DDX24: variants seen among roughly 807,000 people sequenced by gnomAD.
The protein encoded by DDX24 is DEAD-box helicase 24.
Under a neutral mutation model 68.9 loss-of-function variants are expected in DDX24, and 24 were observed. That is an observed-to-expected ratio of 0.35 (90% confidence interval 0.25 to 0.49). The LOEUF is 0.49. Among genes scored for constraint, DDX24 ranks in the 20% least tolerant of loss-of-function variants. DDX24 has a pLI of 0.99. For synonymous variants in DDX24, 395 were observed against 385.2 expected, an observed-to-expected ratio of 1.03 and a Z score of -0.30; for missense variants, 989 against 1,039.0, an observed-to-expected ratio of 0.95 and a Z score of 0.66.
chr14:94,055,293 T>G, intron 6 of DDX24, 109 bp from the exon 7 acceptor site: 3 of 1,123,750 alleles, frequency 2.7e-6, no homozygotes, highest in African/African-American at 3.1e-5. Context: ...GCCAGGCAGG[T>G]AGAAACTTCT....
At chr14:94,051,876 A>C in intron 8 of DDX24, 1 of 165,704 alleles carries the variant, frequency 6.0e-6, no homozygotes. Context: ...CACAATTACA[A>C]CCCCCACCTC....
intron 3 of DDX24, among the ~76,000 whole-genome samples, chr14:94,061,562 T>C (rs1885597895): frequency 6.6e-6 from 1 of 152,226 alleles, no homozygotes; most frequent in Middle Eastern, 3.2e-3. Context: ...AACTTGGTAA[T>C]TAATTGCTGC....
chr14:94,078,300 A>G (rs961574040), intron 2 of DDX24, among the ~76,000 whole-genome samples: 5 of 152,204 alleles, frequency 3.3e-5, no homozygotes, highest in African/African-American at 4.8e-5. Context: ...AGAGATGACT[A>G]TATGTATTTC....
chr14:94,076,790 C>T (rs1165882396), intron 2 of DDX24, among the ~76,000 whole-genome samples: 1 of 151,430 alleles, frequency 6.6e-6, no homozygotes, highest in African/African-American at 2.4e-5. Flanking sequence ...GAGGGAGGGA[C>T]AACAAAAAAA....
Position 94,048,339 on chromosome 14 carries a change from T to A in DDX24, c.*2852A>T, listed in dbSNP as rs900760814. The stretch of plus-strand genomic sequence containing the variant: ...GATACTTTCTCTCCAAAGGAAACTT[T>A]TAAATCAATGGGAACAATTAGCAAC... On this transcript the variant is annotated 3_prime_UTR_variant, in exon 9 of 9. Transcript: ENST00000621632. 20 of 152,338 alleles carry A rather than the reference T, an allele frequency of 1.3e-4. No individual in the cohort carries two copies. Among genetic ancestry groups the A allele is most frequent in the African/African-American group, 4.6e-4 (19 of 41,580 alleles). 9.4% of individuals were successfully genotyped at this position (152,338 alleles called of 1,614,324 possible). A position where few individuals can be genotyped will look rare whatever the true frequency, so the allele number is the denominator to read the frequency against.
At position 94,061,057 on chromosome 14, in the gene DDX24, G is replaced by A. The variant is rs768611363; in HGVS notation, c.1253C>T (p.Thr418Ile). Residue 418 changes from threonine to isoleucine, a missense_variant, in exon 4 of 9, where the codon ACT becomes ATT. By Grantham distance (89) the Thr-to-Ile change is moderately conservative. Transcript: ENST00000621632. ...GGACATTCCACCAACCAAAATAGCA[G>A]TTTTAATTCCTATGGGACAGAAAAC... ...DAVARFTGIK[T>I]AILVGGMSTQ... 5 of 1,614,098 alleles carry A rather than the reference G, an allele frequency of 3.1e-6. No individual in the cohort carries two copies. The highest frequency in any genetic ancestry group is 3.3e-4 in the Middle Eastern group (2 of 6,060).
rs1885343293 is a variant in DDX24 at position 94,049,293 on chromosome 14, C to A, written c.*1898G>T. 6.6e-6 allele frequency: 1 copy of A among 152,228 alleles called. No homozygotes were observed. The highest frequency in any genetic ancestry group is 1.9e-4 in the East Asian group (1 of 5,200). The allele number at this position is 152,228 out of a possible 1,614,324, so 9.4% of individuals were successfully genotyped here. ...GTGCCATTAGGGGATATTAAGCCCG[C>A]TTACTAACCCCACTGACCACCACTG... On this transcript the variant is annotated 3_prime_UTR_variant, in exon 9 of 9. Coordinates refer to ENST00000621632, the MANE Select transcript of DDX24 (RefSeq NM_020414.4).
At position 94,079,387 on chromosome 14, in the gene DDX24, T is replaced by C. The variant is rs761322907; in HGVS notation, c.356A>G (p.Glu119Gly). The C allele has an allele frequency of 1.2e-6, 2 of 1,614,056 alleles. No individual in the cohort carries two copies. Among genetic ancestry groups the C allele is most frequent in the Non-Finnish European group, 1.7e-6 (2 of 1,180,014 alleles). The change falls in exon 2 of 9, where the codon GAA becomes GGA. Residue 119 changes from glutamate to glycine, a missense_variant. Physicochemically the swap from Glu to Gly is moderately conservative, Grantham distance 98 (BLOSUM62 -2). Around this residue, in one of 3 missense-constraint regions of DDX24, gnomAD observed 295 missense variants for 263.0 expected, o/e 1.12. Coordinates refer to ENST00000621632, the MANE Select transcript of DDX24 (RefSeq NM_020414.4). ...GGCCTCCAGCTCAGGATCTTTCACT[T>C]CAAATTCTTTCTGGGTACTGGTTCC... ...TEGTSTQKEF[E>G]VKDPELEAQG...
intron 2 of DDX24, among the ~76,000 whole-genome samples, chr14:94,072,415 A>G (rs1466971936): frequency 2.0e-5 from 3 of 152,260 alleles, no homozygotes; most frequent in South Asian, 2.1e-4. Flanking sequence ...ATGCAAAAGC[A>G]TAAGAATGAT....
intron 2 of DDX24, among the ~76,000 whole-genome samples, chr14:94,067,882 C>A (rs1885736932): frequency 1.3e-5 from 2 of 152,144 alleles, no homozygotes; most frequent in African/African-American, 4.8e-5. Context: ...AACAGAACAA[C>A]CTCTTTAAAG....
At chr14:94,072,370 A>G (rs1885849290) in intron 2 of DDX24, among the ~76,000 whole-genome samples, 1 of 152,282 alleles carries the variant, frequency 6.6e-6, no homozygotes, top group Non-Finnish European at 1.5e-5. Context: ...CAAACATCGT[A>G]TGTTATCACT....
rs754151329 is a variant in DDX24 at position 94,051,359 on chromosome 14, G to A, written c.2412C>T (p.Ser804=). 1 of 1,613,332 alleles carries A rather than the reference G, an allele frequency of 6.2e-7. No homozygotes were observed. Among genetic ancestry groups the A allele is most frequent in the South Asian group, 1.1e-5 (1 of 90,936 alleles). ...HLLSQPLFTE[S]QKTKYPTQSG... is the part of the protein sequence containing the mutation. ...ACTGAGTGGGATACTTGGTTTTCTG[G>A]CTCTCCGTAAACAGTGGCTGGGACA... The change falls in exon 9 of 9, where the codon AGC becomes AGT. Residue 804 remains serine (S), a synonymous_variant. Transcript: ENST00000621632.
In DDX24 at chr14:94,055,026, G is replaced by A. The variant is rs548009470; in HGVS notation, c.2148C>T (p.Pro716=). ...CCACATCCATGTATTTTGTCTGCAC[G>A]GGGAACAGTGGGATATCCTCATCTT... ...LKKDEDIPLF[P]VQTKYMDVVK... The change falls in exon 7 of 9, where the codon CCC becomes CCT. Residue 716 remains proline (P), a synonymous_variant. Coordinates refer to ENST00000621632, the MANE Select transcript of DDX24 (RefSeq NM_020414.4). 2.2e-5 allele frequency: 35 copies of A among 1,614,152 alleles called. No homozygotes were observed. The highest frequency in any genetic ancestry group is 1.9e-4 in the South Asian group (17 of 91,076).
At position 94,060,587 on chromosome 14, in the gene DDX24, C is replaced by T. The variant is rs373668422; in HGVS notation, c.1424G>A (p.Arg475Gln). ...LRCLVVDEADRMVEKGHFAEL... is the reference protein window; with the variant it reads ...LRCLVVDEADQMVEKGHFAEL... ...AGCAAAATGGCCTTTCTCAACCATC[C>T]GGTCAGCCTCATCCACTACCAGGCA... Residue 475 changes from arginine to glutamine, a missense_variant, in exon 5 of 9, where the codon CGG becomes CAG. Coordinates refer to ENST00000621632, the MANE Select transcript of DDX24 (RefSeq NM_020414.4). The T allele has an allele frequency of 1.2e-5, 19 of 1,613,688 alleles. No homozygotes were observed. Among genetic ancestry groups the T allele is most frequent in the African/African-American group, 5.3e-5 (4 of 74,894 alleles).
intron 5 of DDX24, among the ~76,000 whole-genome samples, chr14:94,059,024 G>A (rs1356335493): frequency 1.3e-5 from 2 of 152,256 alleles, no homozygotes; most frequent in African/African-American, 2.4e-5. Context: ...GCTTGAGCCC[G>A]TGAGTTCAAG....
chr14:94,055,136 G>A lies in DDX24; in HGVS notation c.2038C>T (p.Arg680Ter). The change falls in exon 7 of 9, where the codon CGA becomes TGA. Residue 680 changes from arginine to a stop codon, truncating the protein, a stop_gained. Coordinates refer to ENST00000621632, the MANE Select transcript of DDX24 (RefSeq NM_020414.4). LOFTEE classifies it high-confidence loss of function. ...AGACTGAGGCCTTCATTGGTAGCTC[G>A]AGCAGTTCGACCACTTCGGTGGACA... Reference protein sequence around the residue: ...IYVHRSGRTARATNEGLSLML... With the variant: ...IYVHRSGRTA The A allele has an allele frequency of 1.9e-6, 3 of 1,614,168 alleles. No homozygotes were observed. In the South Asian group the frequency reaches 3.3e-5, roughly 18 times the overall value.
Position 94,060,251 on chromosome 14 carries a change from G to C in DDX24, c.1760C>G (p.Pro587Arg), listed in dbSNP as rs1885566701. ...FYLYYFLMQY[P>R]GRSLVFANSI... ...GTTGGCAAACACTAAGCTGCGGCCT[G>C]GATACTGCATCAGGAAGTAGTACAA... The change falls in exon 5 of 9, where the codon CCA (proline) becomes CGA (arginine). Residue 587 changes from proline to arginine, a missense_variant. Pro to Arg is a moderately radical substitution (Grantham distance 103). Coordinates refer to ENST00000621632, the MANE Select transcript of DDX24 (RefSeq NM_020414.4). The C allele has an allele frequency of 1.2e-6, 2 of 1,614,180 alleles. No homozygotes were observed. Among genetic ancestry groups the C allele is most frequent in the Non-Finnish European group, 1.7e-6 (2 of 1,180,042 alleles).
At chr14:94,069,531 TACCAAA>T (rs985259115) in intron 2 of DDX24, among the ~76,000 whole-genome samples, 1 of 152,026 alleles carries the variant, frequency 6.6e-6, no homozygotes, top group Non-Finnish European at 1.5e-5. Flanking sequence ...ATCACCCTAA[TACCAAA>T]ACCAGGAAAG....
rs535305749 is a variant in DDX24 at position 94,060,120 on chromosome 14, C to G, written c.1891G>C (p.Glu631Gln). The G allele has an allele frequency of 1.9e-6, 3 of 1,613,124 alleles. No homozygotes were observed. Among genetic ancestry groups the G allele is most frequent in the South Asian group, 2.2e-5 (2 of 91,058 alleles). The change falls in exon 5 of 9, where the codon GAG becomes CAG. Residue 631 changes from glutamate (E) to glutamine (Q), a missense_variant. Transcript: ENST00000621632. The stretch of plus-strand genomic sequence containing the variant: ...TACTCTTCCAGACGGGCAAACTGCT[C>G]CAGGTTTCTGAGCCTCTGCTTCTGG... ...MHQKQRLRNL[E>Q]QFARLEDCVL...
Sources: gnomAD v4.1 joint callset for allele counts (sites outside exome capture counted in the v4.1 genomes callset) on GRCh38, gnomAD v4.1.1 for gene constraint, gnomAD v4.1.1 regional missense constraint, MANE v1.5 for transcripts, NCBI Gene and HGNC (gene_info 2026-07-23, HGNC 2026-07-21) for gene names.